GPC5: variants seen among roughly 807,000 people sequenced by gnomAD.
GPC5 encodes the protein glypican 5.
Under a neutral mutation model 53.9 loss-of-function variants are expected in GPC5, and 47 were observed. That is an observed-to-expected ratio of 0.87 (90% confidence interval 0.69 to 1.11). The LOEUF is 1.11. Among genes scored for constraint, GPC5 ranks in the 50% most tolerant of loss-of-function variants. The probability of loss-of-function intolerance (pLI) is 0.00; values close to 1 mark genes in which losing one functional copy is unlikely to be tolerated. For missense variants in GPC5, 748 were observed against 713.1 expected (o/e 1.05, Z -0.56); for synonymous variants, 286 against 263.3 (o/e 1.09, Z -0.84).
At chr13:92,705,261 C>T in intron 7 of GPC5, among the ~76,000 whole-genome samples, 1 of 152,054 alleles carries the variant, frequency 6.6e-6, no homozygotes. Context: ...TTTATTATTT[C>T]TAGTGAGGTT....
intron 7 of GPC5, among the ~76,000 whole-genome samples, chr13:92,544,931 T>TA (rs1410707973): frequency 1.3e-5 from 2 of 152,016 alleles, no homozygotes; most frequent in Admixed American, 6.6e-5. Context: ...TTATTTTTTT[T>TA]ATTATACTTT....
chr13:91,401,344 A>G (rs1876937608), intron 1 of GPC5, among the ~76,000 whole-genome samples: 1 of 151,702 alleles, frequency 6.6e-6, no homozygotes, highest in Admixed American at 6.6e-5. Context: ...AACATACCAC[A>G]TGCTTAATAA....
chr13:92,822,974 GA>G (rs5805765), intron 7 of GPC5, among the ~76,000 whole-genome samples: 421 of 145,246 alleles, frequency 2.9e-3, no homozygotes, highest in South Asian at 0.013. Flanking sequence ...GAGAAAGTGT[GA>G]AAAAAAAAAA....
At chr13:91,933,906 GTGTT>G (rs1405680165) in intron 6 of GPC5, among the ~76,000 whole-genome samples, 3 of 151,802 alleles carry the variant, frequency 2.0e-5, no homozygotes, top group African/African-American at 7.3e-5. Context: ...TGTCCTGGTA[GTGTT>G]TTATTTGCTT....
intron 6 of GPC5, among the ~76,000 whole-genome samples, chr13:92,021,699 T>TC (rs1439659800): frequency 6.6e-6 from 1 of 152,200 alleles, no homozygotes; most frequent in Admixed American, 6.5e-5. Context: ...TCTACTTCTG[T>TC]CAATAGCCTA....
chr13:92,511,244 A>G (rs570166591), intron 7 of GPC5, among the ~76,000 whole-genome samples: 19 of 152,238 alleles, frequency 1.2e-4, no homozygotes, highest in Admixed American at 3.3e-4. Context: ...ATTTCTATCT[A>G]TCATCTCCCA....
At chr13:92,573,921 G>C (rs1412514487) in intron 7 of GPC5, among the ~76,000 whole-genome samples, 1 of 152,132 alleles carries the variant, frequency 6.6e-6, no homozygotes, top group East Asian at 1.9e-4. Flanking sequence ...ATGTGCATCA[G>C]ATCTGGTCTG....
intron 7 of GPC5, among the ~76,000 whole-genome samples, chr13:92,454,595 A>G (rs1878190208): frequency 6.6e-6 from 1 of 152,214 alleles, no homozygotes; most frequent in South Asian, 2.1e-4. Flanking sequence ...CTAATGGTAA[A>G]AGAGTAGACA....
At chr13:91,524,790 G>T (rs989646409) in intron 2 of GPC5, among the ~76,000 whole-genome samples, 1 of 152,166 alleles carries the variant, frequency 6.6e-6, no homozygotes, top group Non-Finnish European at 1.5e-5. Context: ...TTTGCTCTCC[G>T]TGGTATCCTG....
At chr13:91,651,445 C>T (rs2034707679) in intron 2 of GPC5, among the ~76,000 whole-genome samples, 1 of 152,118 alleles carries the variant, frequency 6.6e-6, no homozygotes, top group Admixed American at 6.6e-5. Flanking sequence ...TTATGCTGGG[C>T]ACGGTGGCTC....
At chr13:92,077,982 TATACATAC>T (rs61560752) in intron 6 of GPC5, among the ~76,000 whole-genome samples, 1 of 151,258 alleles carries the variant, frequency 6.6e-6, no homozygotes, top group Non-Finnish European at 1.5e-5. Flanking sequence ...GATAGATAGA[TATACATAC>T]ATACATACAG....
At chr13:91,740,507 C>CCATAGAGTTGGATTCTTTTATTT (rs1325890564) in intron 4 of GPC5, among the ~76,000 whole-genome samples, 1 of 152,106 alleles carries the variant, frequency 6.6e-6, no homozygotes, top group Non-Finnish European at 1.5e-5. Context: ...GGGAGCTAAA[C>CCATAGAGTTGGATTCTTTTATTT]CATAGAGTTG....
At chr13:92,767,647 TAGTTACAC>T (rs1875455654) in intron 7 of GPC5, among the ~76,000 whole-genome samples, 1 of 152,130 alleles carries the variant, frequency 6.6e-6, no homozygotes, top group African/African-American at 2.4e-5. Context: ...CAGTCTCTGT[TAGTTACAC>T]TGTTAGTTAC....
intron 7 of GPC5, among the ~76,000 whole-genome samples, chr13:92,751,209 A>T (rs941186855): frequency 3.4e-5 from 5 of 145,832 alleles, no homozygotes; most frequent in African/African-American, 1.2e-4. Flanking sequence ...GAGAAAGAAA[A>T]TTGTTTTTTG....
chr13:92,066,037 T>C (rs1171037143), intron 6 of GPC5, among the ~76,000 whole-genome samples: 4 of 152,124 alleles, frequency 2.6e-5, no homozygotes, highest in Non-Finnish European at 4.4e-5. Context: ...AGGAGATGAT[T>C]AGAAAATCTG....
intron 5 of GPC5, among the ~76,000 whole-genome samples, chr13:91,823,798 C>A (rs1214848025): frequency 1.3e-5 from 2 of 152,054 alleles, no homozygotes; most frequent in African/African-American, 2.4e-5. Context: ...ACTGTATCTC[C>A]ACCCCTTATT....
At chr13:92,092,851 GT>G (rs2041391722) in intron 6 of GPC5, among the ~76,000 whole-genome samples, 1 of 152,142 alleles carries the variant, frequency 6.6e-6, no homozygotes, top group Non-Finnish European at 1.5e-5. Flanking sequence ...GCCATAGGAT[GT>G]TTTGACTGGT....
chr13:91,981,516 C>T (rs1157933954), intron 6 of GPC5, among the ~76,000 whole-genome samples: 2 of 152,174 alleles, frequency 1.3e-5, no homozygotes, highest in Non-Finnish European at 2.9e-5. Flanking sequence ...GTCTCGATCT[C>T]CTGACCTCGT....
intron 6 of GPC5, among the ~76,000 whole-genome samples, chr13:91,986,023 A>G (rs1274529892): frequency 2.6e-5 from 4 of 151,478 alleles, no homozygotes; most frequent in Admixed American, 2.0e-4. Context: ...AAAGTTTTAA[A>G]ATATATATCT....
Sources: gnomAD v4.1 joint callset for allele counts (sites outside exome capture counted in the v4.1 genomes callset) on GRCh38, gnomAD v4.1.1 for gene constraint, MANE v1.5 for transcripts, NCBI Gene and HGNC (gene_info 2026-07-23, HGNC 2026-07-21) for gene names.